KCNQ3: variants seen among roughly 807,000 people sequenced by gnomAD.
KCNQ3 encodes potassium voltage-gated channel subfamily Q member 3, also known as potassium voltage-gated channel subfamily KQT member 3.
Under a neutral mutation model 92.5 loss-of-function variants are expected in KCNQ3, and 30 were observed. That is an observed-to-expected ratio of 0.32 (90% CI 0.24 to 0.44). The LOEUF (loss-of-function observed/expected upper bound fraction) is 0.44, where lower values mean the gene tolerates loss of function less well. Ranked by LOEUF, KCNQ3 falls within the 20% of genes least tolerant of loss-of-function variation. The pLI is 1.00. For missense variants in KCNQ3, 913 were observed against 1,140.3 expected, an observed-to-expected ratio of 0.80 and a Z score of 2.87; for synonymous variants, 450 against 468.8, an observed-to-expected ratio of 0.96 and a Z score of 0.52.
intron 1 of KCNQ3, among the ~76,000 whole-genome samples, chr8:132,216,471 C>T (rs1271759713): frequency 6.6e-6 from 1 of 152,138 alleles, no homozygotes; most frequent in East Asian, 1.9e-4. Flanking sequence ...CCTCCCCAGC[C>T]CTGTCTTTGG....
intron 1 of KCNQ3, among the ~76,000 whole-genome samples, chr8:132,348,693 T>C (rs1818768776): frequency 1.3e-5 from 2 of 152,248 alleles, no homozygotes; most frequent in Non-Finnish European, 2.9e-5. Flanking sequence ...CTCTGTCATC[T>C]GATTCCACAC....
chr8:132,344,544 C>G (rs1331097943), intron 1 of KCNQ3, among the ~76,000 whole-genome samples: 1 of 152,170 alleles, frequency 6.6e-6, no homozygotes, highest in African/African-American at 2.4e-5. Flanking sequence ...ATTATGATCT[C>G]CACTGTGCAG....
chr8:132,324,901 T>G (rs1461175462), intron 1 of KCNQ3, among the ~76,000 whole-genome samples: 1 of 152,198 alleles, frequency 6.6e-6, no homozygotes, highest in Non-Finnish European at 1.5e-5. Context: ...GTTCTACTTG[T>G]TATTTAATTT....
intron 1 of KCNQ3, among the ~76,000 whole-genome samples, chr8:132,241,215 C>A (rs1323294718): frequency 6.6e-6 from 1 of 152,032 alleles, no homozygotes; most frequent in East Asian, 1.9e-4. Context: ...ATTCTTATAA[C>A]CATTTTACAG....
At chr8:132,146,256 A>T (rs1302263541) in intron 9 of KCNQ3, among the ~76,000 whole-genome samples, 2 of 152,256 alleles carry the variant, frequency 1.3e-5, no homozygotes, top group Non-Finnish European at 2.9e-5. Flanking sequence ...TCAGTGGATA[A>T]GTAGATTAAA....
intron 1 of KCNQ3, among the ~76,000 whole-genome samples, chr8:132,293,147 A>G (rs957919723): frequency 2.6e-5 from 4 of 152,112 alleles, no homozygotes; most frequent in African/African-American, 9.7e-5. Context: ...CACCTTACCC[A>G]TCTCTTCATC....
chr8:132,230,708 G>A (rs116970382), intron 1 of KCNQ3, among the ~76,000 whole-genome samples: 665 of 152,292 alleles, frequency 4.4e-3, no homozygotes, highest in Non-Finnish European at 8.3e-3. Context: ...CATTTCACTG[G>A]TTGTTTCCAA....
intron 3 of KCNQ3, among the ~76,000 whole-genome samples, chr8:132,180,835 TAA>T (rs11404512): frequency 7.0e-6 from 1 of 143,564 alleles, no homozygotes; most frequent in African/African-American, 2.6e-5. Context: ...GAGAGAATGT[TAA>T]AAAAAAAAAA....
At chr8:132,201,287 A>G (rs1026354388) in intron 1 of KCNQ3, among the ~76,000 whole-genome samples, 2 of 152,186 alleles carry the variant, frequency 1.3e-5, no homozygotes, top group Non-Finnish European at 2.9e-5. Context: ...TGCCAAATTC[A>G]TGTCCTTTTC....
chr8:132,363,718 G>A (rs188413376), intron 1 of KCNQ3, among the ~76,000 whole-genome samples: 8 of 151,792 alleles, frequency 5.3e-5, no homozygotes, highest in Admixed American at 2.6e-4. Flanking sequence ...TGGCTCCCAC[G>A]TGCTCACGTC....
At chr8:132,317,550 A>T (rs1817778035) in intron 1 of KCNQ3, among the ~76,000 whole-genome samples, 1 of 152,182 alleles carries the variant, frequency 6.6e-6, no homozygotes, top group Non-Finnish European at 1.5e-5. Flanking sequence ...CTGTGGTGCT[A>T]CCTGTGGTGT....
intron 1 of KCNQ3, among the ~76,000 whole-genome samples, chr8:132,238,222 T>C (rs577549592): frequency 6.6e-6 from 1 of 152,120 alleles, no homozygotes; most frequent in East Asian, 1.9e-4. Flanking sequence ...TGCAGGAAGA[T>C]GTATGGGAAC....
intron 1 of KCNQ3, among the ~76,000 whole-genome samples, chr8:132,380,801 A>T (rs1236626162): frequency 6.6e-6 from 1 of 152,088 alleles, no homozygotes; most frequent in Admixed American, 6.5e-5. Context: ...CTGTGCATGC[A>T]GAGATGTGAT....
chr8:132,463,392 C>T (rs1822104995), intron 1 of KCNQ3, among the ~76,000 whole-genome samples: 1 of 152,210 alleles, frequency 6.6e-6, no homozygotes, highest in Non-Finnish European at 1.5e-5. Context: ...GCAAACAAAA[C>T]AGAAGCATCC....
chr8:132,435,726 AT>A (rs1442401533), intron 1 of KCNQ3, among the ~76,000 whole-genome samples: 10 of 151,864 alleles, frequency 6.6e-5, no homozygotes, highest in African/African-American at 2.4e-4. Flanking sequence ...TAATTATTTT[AT>A]TTTATTAAGA....
chr8:132,227,878 A>G (rs1814484968), intron 1 of KCNQ3, among the ~76,000 whole-genome samples: 1 of 152,152 alleles, frequency 6.6e-6, no homozygotes. Flanking sequence ...GTGTGCTAGA[A>G]TGTCTTCACA....
chr8:132,476,866 G>C (rs1009383378), intron 1 of KCNQ3, among the ~76,000 whole-genome samples: 1 of 152,106 alleles, frequency 6.6e-6, no homozygotes, highest in Non-Finnish European at 1.5e-5. Flanking sequence ...ATATGTTTTC[G>C]CTCTGTGTCC....
At chr8:132,373,843 G>A (rs925153913) in intron 1 of KCNQ3, among the ~76,000 whole-genome samples, 5 of 152,136 alleles carry the variant, frequency 3.3e-5, no homozygotes, top group African/African-American at 4.8e-5. Context: ...TCCACCCAAG[G>A]ATAAGCTCAT....
At chr8:132,347,347 G>T (rs1179647496) in intron 1 of KCNQ3, among the ~76,000 whole-genome samples, 1 of 152,168 alleles carries the variant, frequency 6.6e-6, no homozygotes, top group Non-Finnish European at 1.5e-5. Flanking sequence ...TGATGACAGT[G>T]ATGATGATGG....
Sources: gnomAD v4.1 joint callset for allele counts (sites outside exome capture counted in the v4.1 genomes callset) on GRCh38, gnomAD v4.1.1 for gene constraint, MANE v1.5 for transcripts, NCBI Gene and HGNC (gene_info 2026-07-23, HGNC 2026-07-21) for gene names.